The following ATXN2 variants were observed in gnomAD, a reference collection of about 807,000 sequenced individuals.
ATXN2 encodes the protein ataxin 2.
A neutral mutation model predicts 138.6 loss-of-function variants in ATXN2; 37 were observed. The observed-to-expected ratio is 0.27, with a 90% CI of 0.21 to 0.35. The LOEUF (loss-of-function observed/expected upper bound fraction) is 0.35. Ranked by LOEUF, ATXN2 falls within the 10% of genes least tolerant of loss-of-function variation. The pLI is 1.00. For missense variants in ATXN2, 1,216 were observed against 1,480.3 expected, an observed-to-expected ratio of 0.82 and a Z score of 2.93; for synonymous variants, 549 against 543.7, an observed-to-expected ratio of 1.01 and a Z score of -0.13.
At chr12:111,535,495 G>A (rs1044216277) in intron 5 of ATXN2, among the ~76,000 whole-genome samples, 12 of 152,010 alleles carry the variant, frequency 7.9e-5, no homozygotes, top group Admixed American at 6.6e-4. Context: ...GGTGGCGCGC[G>A]CCTGTCGTCT....
At chr12:111,541,346 CTTTTTTTTT>C (rs62932861) in intron 5 of ATXN2, among the ~76,000 whole-genome samples, 7 of 67,448 alleles carry the variant, frequency 1.0e-4, no homozygotes, top group African/African-American at 2.1e-4. Context: ...AGTTATAATT[CTTTTTTTTT>C]TTTTTTTTTT....
At position 111,516,454 on chromosome 12, in the gene ATXN2, A is replaced by G. The variant is rs1879860811; in HGVS notation, c.1166-91T>C. 8.1e-7 allele frequency: 1 copy of G among 1,230,522 alleles called. No homozygotes were observed. Among genetic ancestry groups the G allele is most frequent in the Non-Finnish European group, 1.1e-6 (1 of 886,634 alleles). 76.2% of individuals were successfully genotyped at this position (1,230,522 alleles called of 1,614,324 possible). On this transcript the variant is annotated intron_variant, in intron 9 of 24. Coordinates refer to ENST00000673436, the MANE Select transcript of ATXN2 (RefSeq NM_001372574.1). The surrounding 1 kb of genome is among the most constrained non-coding windows in gnomAD (Gnocchi z 5.0). Reference sequence around the variant, plus strand: ...ACAGAAAAAAAGTAAAATGACAAAAATGATTTCTTGTACATTTTAACCCTT... The same window carrying G: ...ACAGAAAAAAAGTAAAATGACAAAAGTGATTTCTTGTACATTTTAACCCTT...
At chr12:111,519,058 T>C (rs886178811) in intron 8 of ATXN2, among the ~76,000 whole-genome samples, 7 of 152,202 alleles carry the variant, frequency 4.6e-5, no homozygotes, top group African/African-American at 7.2e-5. Context: ...ACTTGCTCCA[T>C]GTTTCCTCTC....
At chr12:111,595,134 C>T (rs1345514610) in intron 1 of ATXN2, among the ~76,000 whole-genome samples, 1 of 152,164 alleles carries the variant, frequency 6.6e-6, no homozygotes, top group Non-Finnish European at 1.5e-5. Context: ...ACCTTCTTGA[C>T]ACTGGAAGTA....
chr12:111,539,252 G>A (rs1013532490), intron 5 of ATXN2, among the ~76,000 whole-genome samples: 3 of 149,996 alleles, frequency 2.0e-5, no homozygotes, highest in Non-Finnish European at 4.5e-5. Flanking sequence ...GGGAGGCTGA[G>A]GCAAAGAGGA....
chr12:111,495,542 A>G (rs1185001879), intron 14 of ATXN2, among the ~76,000 whole-genome samples: 2 of 152,212 alleles, frequency 1.3e-5, no homozygotes, highest in South Asian at 2.1e-4. Context: ...GCAAGAGGTT[A>G]TAACAAGTAT....
At position 111,509,618 on chromosome 12, in the gene ATXN2, A is replaced by G; in HGVS notation, c.1866T>C (p.Gly622=). ...TATGTTCAGAAACAACTGGTGATAT[A>G]CCTGTAAAATTAAGAACTGTTAAGA... ...SPSFSKAENK[G]ISPVVSEHRK... is the part of the protein sequence containing the mutation. Residue 622 remains glycine, a splice_region_variant and synonymous_variant, in exon 14 of 25, where the codon GGT becomes GGC. Transcript: ENST00000673436. 6.8e-7 allele frequency: 1 copy of G among 1,480,436 alleles called. No individual in the cohort carries two copies. Among genetic ancestry groups the G allele is most frequent in the Non-Finnish European group, 9.3e-7 (1 of 1,076,556 alleles). 91.7% of individuals were successfully genotyped at this position (1,480,436 alleles called of 1,614,324 possible). A position where few individuals can be genotyped will look rare whatever the true frequency, so the allele number is the denominator to read the frequency against.
Position 111,588,632 on chromosome 12 carries a change from GA to G in ATXN2, c.251+10151del, listed in dbSNP as rs912057997. 1.1e-3 allele frequency among the ~76,000 whole-genome samples: 157 copies of G among 140,708 alleles called. No individual in the cohort carries two copies. In the East Asian group the frequency reaches 0.013, roughly 12 times the overall value. 92.3% of individuals were successfully genotyped at this position (140,708 alleles called of 152,430 possible). On this transcript the variant is annotated intron_variant, in intron 1 of 24. Coordinates refer to ENST00000673436, the MANE Select transcript of ATXN2 (RefSeq NM_001372574.1). ...GCGAGACTCCGTCTCGGAAAAAAAA[GA>G]AAAAAAAAAAGTTAAGGTTAACAGC...
chr12:111,505,871 G>A (rs536831433), intron 14 of ATXN2, among the ~76,000 whole-genome samples: 101 of 152,172 alleles, frequency 6.6e-4, no homozygotes, highest in Non-Finnish European at 1.1e-3. Flanking sequence ...AAGATAGGAC[G>A]AGAAAAAAAC....
In ATXN2 at chr12:111,598,458, G is replaced by T. The variant is rs920212141; in HGVS notation, c.251+326C>A. The T allele has an allele frequency of 1.1e-5, 11 of 985,408 alleles. No homozygotes were observed. The highest frequency in any genetic ancestry group is 1.3e-5 in the Non-Finnish European group (11 of 830,090). 61.0% of individuals were successfully genotyped at this position (985,408 alleles called of 1,614,324 possible). ...TGCGGGCGGAGGATCGTGCGGAAGG[G>T]GGAGCCGGGGCTGACCATCGCCGCT... On this transcript the variant is annotated intron_variant, in intron 1 of 24. Transcript: ENST00000673436. This position sits in a 1 kb window ranked among gnomAD's most constrained non-coding sequence, Gnocchi z 4.5.
In ATXN2 at chr12:111,520,921, C is replaced by T; in HGVS notation, c.749G>A (p.Gly250Asp). The change falls in exon 7 of 25, where the codon GGT (glycine) becomes GAT (aspartate). Residue 250 changes from glycine to aspartate, a missense_variant. Coordinates refer to ENST00000673436, the MANE Select transcript of ATXN2 (RefSeq NM_001372574.1). ...ACTGCTATCATACGTAGACACTACA[C>T]CATAATTTTCTTCATTATATCGAAA... is the stretch of plus-strand genomic sequence containing the variant. Reference protein sequence around the residue: ...DMFRYNEENYGVVSTYDSSLS... With the variant: ...DMFRYNEENYDVVSTYDSSLS... 6.3e-7 allele frequency: 1 copy of T among 1,599,880 alleles called. No individual in the cohort carries two copies. Among genetic ancestry groups the T allele is most frequent in the Non-Finnish European group, 8.5e-7 (1 of 1,171,292 alleles).
intron 5 of ATXN2, among the ~76,000 whole-genome samples, chr12:111,530,032 A>G (rs558560767): frequency 2.2e-4 from 34 of 152,276 alleles, no homozygotes; most frequent in Admixed American, 7.2e-4. Context: ...TAAACCTAAA[A>G]AATCATATTG....
intron 1 of ATXN2, among the ~76,000 whole-genome samples, chr12:111,562,458 C>T (rs564826837): frequency 2.6e-5 from 4 of 151,720 alleles, no homozygotes; most frequent in Non-Finnish European, 4.4e-5. Flanking sequence ...TGGCAGCTCA[C>T]GCCTGTAATC....
intron 10 of ATXN2, among the ~76,000 whole-genome samples, chr12:111,514,059 C>G (rs1399761989): frequency 6.6e-6 from 1 of 151,906 alleles, no homozygotes; most frequent in Admixed American, 6.6e-5. Context: ...ATGTACATAC[C>G]CTTCTTAAAT....
upstream of ATXN2, chr12:111,599,448 C>T (rs1031423101): frequency 1.3e-4 from 158 of 1,200,858 alleles, no homozygotes; most frequent in Non-Finnish European, 1.6e-4. Context: ...GGCCACCTGG[C>T]TGCGGCGAAG....
intron 1 of ATXN2, among the ~76,000 whole-genome samples, chr12:111,593,717 A>G (rs1884792318): frequency 6.6e-6 from 1 of 152,226 alleles, no homozygotes; most frequent in Non-Finnish European, 1.5e-5. Context: ...CTAATTAGGT[A>G]AAATACGTAA....
At chr12:111,495,726 A>C (rs1371141899) in intron 14 of ATXN2, among the ~76,000 whole-genome samples, 1 of 152,228 alleles carries the variant, frequency 6.6e-6, no homozygotes, top group Non-Finnish European at 1.5e-5. Flanking sequence ...AATTTGCTCT[A>C]TAGACCAAAT....
At chr12:111,571,918 A>G (rs1309704700) in intron 1 of ATXN2, among the ~76,000 whole-genome samples, 1 of 151,706 alleles carries the variant, frequency 6.6e-6, no homozygotes, top group African/African-American at 2.4e-5. Context: ...AAGCTGAGAC[A>G]GGAGAATCGC....
chr12:111,559,807 CACTT>C (rs898545798), intron 1 of ATXN2, among the ~76,000 whole-genome samples: 1 of 140,178 alleles, frequency 7.1e-6, no homozygotes, highest in East Asian at 2.1e-4. Flanking sequence ...AAAAAAAAAA[CACTT>C]AATACACTTA....
Sources: gnomAD v4.1 joint callset for allele counts (sites outside exome capture counted in the v4.1 genomes callset) on GRCh38, gnomAD v4.1.1 for gene constraint, Gnocchi (gnomAD v3.1) non-coding constraint, MANE v1.5 for transcripts, NCBI Gene and HGNC (gene_info 2026-07-23, HGNC 2026-07-21) for gene names.